NEBL: variants seen among roughly 807,000 people sequenced by gnomAD.
NEBL encodes the protein nebulette, also known as LIM and SH3 protein 2.
Under a neutral mutation model 140.2 loss-of-function variants are expected in NEBL, and 122 were observed. That is an observed-to-expected ratio of 0.87 (90% confidence interval 0.75 to 1.01). The LOEUF is 1.01. NEBL is among the 50% of genes least tolerant of loss of function. The pLI, the probability that NEBL is intolerant of heterozygous loss-of-function variation, is 0.00. For synonymous variants in NEBL, 436 were observed against 398.9 expected (o/e 1.09, Z -1.11); for missense variants, 1,365 against 1,231.3 (o/e 1.11, Z -1.62).
chr10:20,997,207 T>C (rs1027585878), intron 3 of NEBL, among the ~76,000 whole-genome samples: 4 of 152,218 alleles, frequency 2.6e-5, no homozygotes, highest in Non-Finnish European at 5.9e-5. Context: ...ACTCAATCCT[T>C]TGTTCATTTA....
rs540638523 is a variant in NEBL, at chr10:21,132,701, T to C, written c.164+39682A>G. Among the ~76,000 whole-genome samples, 5 of 152,328 alleles carry C rather than the reference T, an allele frequency of 3.3e-5. No individual in the cohort carries two copies. The East Asian group carries it at 7.7e-4, about 23-fold the overall frequency. ...ATTCTAGGAGTTATGAAGTGTCTCATTGTGGTTTTGATTTGTATTTCCCTA... is the reference window on the plus strand; with the variant it reads ...ATTCTAGGAGTTATGAAGTGTCTCACTGTGGTTTTGATTTGTATTTCCCTA... On this transcript the variant is annotated intron_variant, in intron 2 of 6. Coordinates refer to the NEBL transcript ENST00000417816.
At chr10:21,022,963 A>G (rs1838857229) in intron 2 of NEBL, among the ~76,000 whole-genome samples, 1 of 152,098 alleles carries the variant, frequency 6.6e-6, no homozygotes, top group Non-Finnish European at 1.5e-5. Flanking sequence ...TGTTGGCCAC[A>G]CTCTTCCAGG....
Position 20,859,099 on chromosome 10 carries a change from T to A in NEBL, c.798+614A>T, listed in dbSNP as rs183354094. Reference sequence around the variant, plus strand: ...ATAATTTTTATACTTGAGAAGGAAATCTAAATATTTTCAACTATAGCAAAG... The same window carrying A: ...ATAATTTTTATACTTGAGAAGGAAAACTAAATATTTTCAACTATAGCAAAG... On this transcript the variant is annotated intron_variant, in intron 8 of 27. Transcript: ENST00000377122. 3.4e-3 allele frequency among the ~76,000 whole-genome samples: 517 copies of A among 152,238 alleles called. 2 individuals are homozygous for A. The highest frequency in any genetic ancestry group is 6.1e-3 in the Non-Finnish European group (412 of 67,966).
chr10:21,091,434 G>T (rs1564508036), intron 2 of NEBL, among the ~76,000 whole-genome samples: 1 of 151,916 alleles, frequency 6.6e-6, no homozygotes, highest in Admixed American at 6.6e-5. Context: ...CTATCACAAT[G>T]AAAAAAATGT....
At chr10:21,079,270 G>T (rs1836257205) in intron 2 of NEBL, among the ~76,000 whole-genome samples, 1 of 152,188 alleles carries the variant, frequency 6.6e-6, no homozygotes, top group African/African-American at 2.4e-5. Context: ...AAATGAGGAG[G>T]TGAAGAGGCA....
intron 4 of NEBL, among the ~76,000 whole-genome samples, chr10:20,954,357 C>T (rs1056721238): frequency 1.3e-5 from 2 of 152,178 alleles, no homozygotes; most frequent in Admixed American, 6.5e-5. Context: ...TGGCAGTGGG[C>T]TAGGCCCTGG....
intron 3 of NEBL, among the ~76,000 whole-genome samples, chr10:21,229,060 A>G (rs997663268): frequency 6.6e-6 from 1 of 152,156 alleles, no homozygotes; most frequent in African/African-American, 2.4e-5. Context: ...AAAATCTGTT[A>G]CAATTTGGGA....
At chr10:20,973,247 C>CTTTTT (rs201974015) in intron 3 of NEBL, among the ~76,000 whole-genome samples, 11 of 139,398 alleles carry the variant, frequency 7.9e-5, no homozygotes, top group African/African-American at 2.6e-4. Context: ...TTACCTTTTT[C>CTTTTT]TTTTTTTTTT....
At chr10:21,163,205 G>A (rs502246) in intron 2 of NEBL, among the ~76,000 whole-genome samples, 77,871 of 151,884 alleles carry the variant, frequency 0.51, 23,244 homozygotes, top group African/African-American at 0.83. Flanking sequence ...TAGAAACCCA[G>A]TTTTTTTTCC....
chr10:21,102,281 G>A (rs1837512984), intron 2 of NEBL, among the ~76,000 whole-genome samples: 1 of 151,966 alleles, frequency 6.6e-6, no homozygotes, highest in South Asian at 2.1e-4. Flanking sequence ...GATATAATTG[G>A]CTCACAATAT....
chr10:21,217,716 G>T (rs1402341125), intron 3 of NEBL, among the ~76,000 whole-genome samples: 2 of 152,088 alleles, frequency 1.3e-5, no homozygotes, highest in African/African-American at 2.4e-5. Flanking sequence ...GAAGATTCAT[G>T]GTATTTGTGA....
rs80221462 is a variant in NEBL, at chr10:21,052,431, G to A, written c.165-32230C>T. On this transcript the variant is annotated intron_variant, in intron 2 of 6. Coordinates refer to the NEBL transcript ENST00000417816. ...GATAGGCAGCTAACAATAAGACTCC[G>A]GAGAGCCTGGCAGCAAAAGACACCC... Among the ~76,000 whole-genome samples the A allele has an allele frequency of 7.6e-3, 1,160 of 151,974 alleles. 41 individuals carry two copies. The East Asian group carries it at 0.088, about 12-fold the overall frequency.
rs577772064 is a variant in NEBL at position 21,150,509 on chromosome 10, G to A, written c.164+21874C>T. 1.2e-4 allele frequency among the ~76,000 whole-genome samples: 18 copies of A among 152,332 alleles called. No homozygotes were observed. In the South Asian group the frequency reaches 2.7e-3, roughly 23 times the overall value. ...TGTGAAGAAAAACATGAAGTCACAT[G>A]TGCTGAAGAACATACAATATATCTC... On this transcript the variant is annotated intron_variant, in intron 2 of 6. Transcript: ENST00000417816.
intron 2 of NEBL, among the ~76,000 whole-genome samples, chr10:20,895,296 T>C (rs1401929431): frequency 6.6e-6 from 1 of 152,164 alleles, no homozygotes; most frequent in African/African-American, 2.4e-5. Flanking sequence ...AGGGTTTTAG[T>C]TGGTAGCATT....
At chr10:20,899,215 T>C (rs368888488), upstream of NEBL, among the ~76,000 whole-genome samples, 2 of 152,226 alleles carry the variant, frequency 1.3e-5, no homozygotes, top group African/African-American at 2.4e-5. Flanking sequence ...TTATCTTTAT[T>C]TGGAAATAGG....
In NEBL at chr10:20,785,487, C is replaced by G; in HGVS notation, c.*260G>C. ...ACATTTCCCAGAAGGGTTCAATAGCCAATCAAAGGAAACCATGAACACAAT... is the reference window on the plus strand; with the variant it reads ...ACATTTCCCAGAAGGGTTCAATAGCGAATCAAAGGAAACCATGAACACAAT... On this transcript the variant is annotated 3_prime_UTR_variant, in exon 28 of 28. Coordinates refer to ENST00000377122, the MANE Select transcript of NEBL (RefSeq NM_006393.3). 2.0e-6 allele frequency: 1 copy of G among 512,736 alleles called. No individual in the cohort carries two copies. The highest frequency in any genetic ancestry group is 3.5e-6 in the Non-Finnish European group (1 of 283,970). 31.8% of individuals were successfully genotyped at this position (512,736 alleles called of 1,614,324 possible). A position where few individuals can be genotyped will look rare whatever the true frequency, so the allele number is the denominator to read the frequency against.
intron 2 of NEBL, among the ~76,000 whole-genome samples, chr10:20,894,305 A>T (rs1847260862): frequency 6.6e-6 from 1 of 151,982 alleles, no homozygotes; most frequent in Non-Finnish European, 1.5e-5. Flanking sequence ...CTCCATCTCT[A>T]CGAAAAAGAA....
chr10:21,249,981 T>C (rs1038927159), intron 2 of NEBL, among the ~76,000 whole-genome samples: 3 of 152,130 alleles, frequency 2.0e-5, no homozygotes, highest in African/African-American at 4.8e-5. Flanking sequence ...CAAGTATCAC[T>C]TGAGCCCTAG....
rs747818864 is a variant in NEBL, at chr10:20,780,141, A to G, written c.*5606T>C. On this transcript the variant is annotated 3_prime_UTR_variant, in exon 28 of 28. Coordinates refer to ENST00000377122, the MANE Select transcript of NEBL (RefSeq NM_006393.3). Reference sequence around the variant, plus strand: ...GTGAAAAATAGGGACTCACTTTTTCAATTATGGGAAGCGTAGTGGGGGGAG... The same window carrying G: ...GTGAAAAATAGGGACTCACTTTTTCGATTATGGGAAGCGTAGTGGGGGGAG... 1 of 152,202 alleles carries G rather than the reference A, an allele frequency of 6.6e-6. No homozygotes were observed. The highest frequency in any genetic ancestry group is 6.6e-5 in the Admixed American group (1 of 15,258). The allele number at this position is 152,202 out of a possible 1,614,324, so 9.4% of individuals were successfully genotyped here. A position where few individuals can be genotyped will look rare whatever the true frequency, so the allele number is the denominator to read the frequency against.
Sources: allele counts gnomAD v4.1 joint callset (sites outside exome capture counted in the v4.1 genomes callset), GRCh38; gene constraint gnomAD v4.1.1; transcripts MANE v1.5; gene names NCBI Gene and HGNC (gene_info 2026-07-23, HGNC 2026-07-21).